Variants in MAPK10 observed in about 807,000 individuals in gnomAD.
MAPK10 encodes JNK3 alpha protein kinase.
MAPK10 carries 25 observed loss-of-function variants against 59.3 expected under a neutral mutation model. The ratio of observed to expected loss-of-function variants is 0.42; its 90% CI spans 0.31 to 0.59. The LOEUF (loss-of-function observed/expected upper bound fraction) is 0.59. Among genes scored for constraint, MAPK10 ranks in the 20% least tolerant of loss-of-function variants. MAPK10 has a pLI of 0.15. For missense variants in MAPK10, 351 were observed against 568.9 expected (o/e 0.62, Z 3.90); for synonymous variants, 190 against 200.5 (o/e 0.95, Z 0.44).
At position 86,415,571 on chromosome 4, in the gene MAPK10, C is replaced by T. The variant is rs116839949; in HGVS notation, c.-122+37459G>A. Reference sequence around the variant, plus strand: ...TACTTGGGTTAAAGTACTCCTGCTACAATCTGGTAAGAAAAGCTACAGATT... The same window carrying T: ...TACTTGGGTTAAAGTACTCCTGCTATAATCTGGTAAGAAAAGCTACAGATT... On this transcript the variant is annotated intron_variant, in intron 1 of 13. Coordinates refer to the MAPK10 transcript ENST00000361569. 4.9e-3 allele frequency among the ~76,000 whole-genome samples: 746 copies of T among 152,276 alleles called. 8 individuals are homozygous for T. Among genetic ancestry groups the T allele is most frequent in the African/African-American group, 0.017 (701 of 41,556 alleles).
chr4:86,392,885 G>A lies in MAPK10; in HGVS notation c.-121-38241C>T, dbSNP rs567777211. ...ATGAGTGCAAGACTTTGGGGAGATG[G>A]AGAGAGGTATAAAGAGAACTGTTAG... On this transcript the variant is annotated intron_variant, in intron 1 of 13. Coordinates refer to the MAPK10 transcript ENST00000361569. 4.1e-4 allele frequency among the ~76,000 whole-genome samples: 62 copies of A among 152,202 alleles called. 1 individual carries two copies. Among genetic ancestry groups the A allele is most frequent in the Non-Finnish European group, 8.8e-5 (6 of 68,038 alleles).
intron 2 of MAPK10, among the ~76,000 whole-genome samples, chr4:86,212,617 A>C (rs951448858): frequency 1.3e-5 from 2 of 152,214 alleles, no homozygotes; most frequent in Non-Finnish European, 2.9e-5. Context: ...TAAATCAAAA[A>C]AAGTTTACAA....
At chr4:86,256,722 T>TTTTC (rs201039112) in intron 2 of MAPK10, among the ~76,000 whole-genome samples, 24 of 133,222 alleles carry the variant, frequency 1.8e-4, no homozygotes, top group African/African-American at 6.2e-4. Context: ...CATTTTTTTC[T>TTTTC]TTTCTTTCTT....
intron 2 of MAPK10, among the ~76,000 whole-genome samples, chr4:86,214,221 A>T (rs574686138): frequency 6.6e-6 from 1 of 152,216 alleles, no homozygotes; most frequent in African/African-American, 2.4e-5. Context: ...CTAAAAATAG[A>T]ATGAAACTAT....
intron 1 of MAPK10, among the ~76,000 whole-genome samples, chr4:86,375,000 G>A (rs1372762943): frequency 1.3e-5 from 2 of 152,156 alleles, no homozygotes; most frequent in African/African-American, 2.4e-5. Context: ...AGACAAAAAC[G>A]TGTTCGGATA....
rs1396702358 is a variant in MAPK10, at chr4:86,062,247, C to T, written c.1110+2019G>A. Reference sequence around the variant, plus strand: ...GCTTGTTCTGTGCATTAACTGTCTTCTTTTTCTGGAACTGCAGGCTCTATC... The same window carrying T: ...GCTTGTTCTGTGCATTAACTGTCTTTTTTTTCTGGAACTGCAGGCTCTATC... On this transcript the variant is annotated intron_variant, in intron 11 of 13. Transcript: ENST00000641462. 2.0e-5 allele frequency among the ~76,000 whole-genome samples: 3 copies of T among 152,116 alleles called. No individual in the cohort carries two copies. The East Asian group carries it at 5.8e-4, about 29-fold the overall frequency.
intron 2 of MAPK10, among the ~76,000 whole-genome samples, chr4:86,271,475 G>T (rs149997010): frequency 3.3e-4 from 50 of 151,918 alleles, no homozygotes; most frequent in Middle Eastern, 3.4e-3. Context: ...GATTCAGAGG[G>T]TACATATGGA....
rs776807363 is a variant in MAPK10 at position 86,294,533 on chromosome 4, GA to G, written c.-7+59996del. Among the ~76,000 whole-genome samples, 1,097 of 130,732 alleles carry G rather than the reference GA, an allele frequency of 8.4e-3. 8 individuals carry two copies. Among genetic ancestry groups the G allele is most frequent in the Middle Eastern group, 0.03 (8 of 268 alleles). 85.8% of individuals were successfully genotyped at this position (130,732 alleles called of 152,430 possible). ...AGAATTGCCCTCCTACTGTGAAAAA[GA>G]AAAAAAAAAAAGAAAACTTCAAGAA... is the stretch of plus-strand genomic sequence containing the variant. On this transcript the variant is annotated intron_variant, in intron 2 of 13. Coordinates refer to ENST00000641462, the MANE Select transcript of MAPK10 (RefSeq NM_138982.4).
At chr4:86,224,426 T>C (rs1261334414) in intron 2 of MAPK10, among the ~76,000 whole-genome samples, 1 of 151,910 alleles carries the variant, frequency 6.6e-6, no homozygotes, top group Non-Finnish European at 1.5e-5. Flanking sequence ...TGAGTAGAAG[T>C]GCACTAGGTA....
At chr4:86,365,647 T>C (rs1737742530) in intron 1 of MAPK10, among the ~76,000 whole-genome samples, 1 of 152,002 alleles carries the variant, frequency 6.6e-6, no homozygotes, top group African/African-American at 2.4e-5. Context: ...ACTTTTTATT[T>C]CAAATATTAT....
intron 1 of MAPK10, among the ~76,000 whole-genome samples, chr4:86,521,181 C>A (rs1041461863): frequency 6.6e-6 from 1 of 152,218 alleles, no homozygotes; most frequent in Non-Finnish European, 1.5e-5. Flanking sequence ...GTTGTTTTCT[C>A]CTTCTTTGGA....
intron 9 of MAPK10, among the ~76,000 whole-genome samples, chr4:86,086,285 G>C (rs2051826193): frequency 6.6e-6 from 1 of 152,010 alleles, no homozygotes; most frequent in South Asian, 2.1e-4. Flanking sequence ...GGTGGGGATG[G>C]TTAACGGCTA....
intron 2 of MAPK10, among the ~76,000 whole-genome samples, chr4:86,249,137 C>T (rs2093279725): frequency 6.7e-6 from 1 of 150,322 alleles, no homozygotes; most frequent in South Asian, 2.1e-4. Context: ...ACGGCTAAAG[C>T]CAGAATTTTA....
chr4:86,503,449 T>A (rs1755478250), intron 1 of MAPK10, among the ~76,000 whole-genome samples: 1 of 152,166 alleles, frequency 6.6e-6, no homozygotes, highest in African/African-American at 2.4e-5. Flanking sequence ...TAAATTTTCA[T>A]AAAGTACCAC....
intron 4 of MAPK10, among the ~76,000 whole-genome samples, chr4:86,114,712 G>C (rs2058049650): frequency 6.6e-6 from 1 of 152,236 alleles, no homozygotes; most frequent in South Asian, 2.1e-4. Flanking sequence ...CCTTGGCTGA[G>C]CAGGTTGGGC....
chr4:86,536,702 T>C (rs1758265752), intron 1 of MAPK10, among the ~76,000 whole-genome samples: 1 of 152,224 alleles, frequency 6.6e-6, no homozygotes, highest in African/African-American at 2.4e-5. Context: ...ATCAAAAAGC[T>C]ATTTACATGG....
chr4:86,409,001 C>G (rs1271661544), intron 1 of MAPK10, among the ~76,000 whole-genome samples: 1 of 152,058 alleles, frequency 6.6e-6, no homozygotes, highest in Non-Finnish European at 1.5e-5. Flanking sequence ...AGTGGTATTG[C>G]CTAGGTTTTC....
chr4:86,272,710 G>C (rs1172968959), intron 2 of MAPK10, among the ~76,000 whole-genome samples: 1 of 151,962 alleles, frequency 6.6e-6, no homozygotes, highest in African/African-American at 2.4e-5. Context: ...GCTAAAAATG[G>C]TTCATAGGTC....
chr4:86,581,890 CTATATATATTATA>C (rs1404362436), intron 1 of MAPK10, among the ~76,000 whole-genome samples: 5 of 108,326 alleles, frequency 4.6e-5, no homozygotes, highest in African/African-American at 1.8e-4. Context: ...ACACTTTAAG[CTATATATATTATA>C]TATATATATA....
Sources: gnomAD v4.1 joint callset for allele counts (sites outside exome capture counted in the v4.1 genomes callset) on GRCh38, gnomAD v4.1.1 for gene constraint, MANE v1.5 for transcripts, NCBI Gene and HGNC (gene_info 2026-07-23, HGNC 2026-07-21) for gene names.